SPINK5: variants seen among roughly 807,000 people sequenced by gnomAD.
SPINK5 encodes the protein serine protease inhibitor Kazal-type 5.
SPINK5 carries 125 observed loss-of-function variants against 151.8 expected under a neutral mutation model. The observed-to-expected ratio is 0.82, with a 90% CI of 0.71 to 0.96. The LOEUF (loss-of-function observed/expected upper bound fraction) is 0.96, where lower values mean the gene tolerates loss of function less well. SPINK5 is among the 40% of genes least tolerant of loss of function. The pLI, the probability that SPINK5 is intolerant of heterozygous loss-of-function variation, is 0.00. For missense variants in SPINK5, 1,194 were observed against 1,291.9 expected, an observed-to-expected ratio of 0.92 and a Z score of 1.16; for synonymous variants, 374 against 395.3, an observed-to-expected ratio of 0.95 and a Z score of 0.64.
In SPINK5 at chr5:148,095,852, G is replaced by A; in HGVS notation, c.829G>A (p.Asp277Asn). 6.2e-7 allele frequency: 1 copy of A among 1,612,392 alleles called. No homozygotes were observed. The highest frequency in any genetic ancestry group is 1.1e-5 in the South Asian group (1 of 91,058). ...QRFSEENSKTDQNLGKAEEKT... is the reference protein window; with the variant it reads ...QRFSEENSKTNQNLGKAEEKT... ...TTTTTCAGAGGAAAACAGTAAAACA[G>A]ATCAAAATTTGGGAAAAGCTGAAGA... The change falls in exon 10 of 33, where the codon GAT (aspartate) becomes AAT (asparagine). Residue 277 changes from aspartate (D) to asparagine (N), a missense_variant. Coordinates refer to ENST00000256084, the MANE Select transcript of SPINK5 (RefSeq NM_006846.4).
chr5:148,101,754 T>C (rs749428329), intron 14 of SPINK5, 27 bp from the exon 15 acceptor site: 1 of 1,613,578 alleles, frequency 6.2e-7, no homozygotes, highest in South Asian at 1.1e-5. Context: ...TGTTCAACAC[T>C]TTCAACTTCC....
At chr5:148,120,197 A>G (rs554957829) in intron 25 of SPINK5, 61 bp downstream of exon 25, 1 of 1,613,186 alleles carries the variant, frequency 6.2e-7, no homozygotes, top group Admixed American at 1.7e-5. Flanking sequence ...ATCATTTCTT[A>G]CCAGTTTGGG....
Position 148,070,330 on chromosome 5 carries a change from G to A in SPINK5, c.89G>A (p.Cys30Tyr), listed in dbSNP as rs753511595. The change falls in exon 3 of 33, where the codon TGC becomes TAC. Residue 30 changes from cysteine (C) to tyrosine (Y), a missense_variant. By Grantham distance (194) the Cys-to-Tyr change is radical. Coordinates refer to ENST00000256084, the MANE Select transcript of SPINK5 (RefSeq NM_006846.4). ...TTTTTGGCATTATCTTAGGAAATGT[G>A]CCATGAATTTCAGGCATTTATGAAA... ...AASKNEDQEMCHEFQAFMKNG... is the reference protein window; with the variant it reads ...AASKNEDQEMYHEFQAFMKNG... 6.2e-7 allele frequency: 1 copy of A among 1,612,196 alleles called. No individual in the cohort carries two copies. The highest frequency in any genetic ancestry group is 1.1e-5 in the South Asian group (1 of 91,040).
At chr5:148,095,136 T>C (rs1391056673) in intron 9 of SPINK5, among the ~76,000 whole-genome samples, 1 of 152,014 alleles carries the variant, frequency 6.6e-6, no homozygotes, top group African/African-American at 2.4e-5. Flanking sequence ...CAAGAACTCC[T>C]AAAGTCCTTC....
chr5:148,109,233 T>C (rs1753858358), intron 18 of SPINK5, among the ~76,000 whole-genome samples: 1 of 152,118 alleles, frequency 6.6e-6, no homozygotes, highest in East Asian at 1.9e-4. Context: ...TAATTATCTG[T>C]GAGATTTTGA....
intron 4 of SPINK5, among the ~76,000 whole-genome samples, chr5:148,077,933 T>C (rs1056864452): frequency 6.6e-6 from 1 of 150,596 alleles, no homozygotes; most frequent in African/African-American, 2.4e-5. Flanking sequence ...TGAAAACAAA[T>C]AGAAAAGTAG....
intron 4 of SPINK5, among the ~76,000 whole-genome samples, chr5:148,084,651 T>G (rs962959742): frequency 1.3e-5 from 2 of 151,914 alleles, no homozygotes; most frequent in Non-Finnish European, 2.9e-5. Context: ...GCTTCTGTAG[T>G]ATCTTCAGGA....
chr5:148,103,041 G>A (rs536292617), intron 15 of SPINK5, among the ~76,000 whole-genome samples: 6 of 151,988 alleles, frequency 3.9e-5, no homozygotes, highest in Non-Finnish European at 8.8e-5. Context: ...TCTTAGAAAG[G>A]ACTTAATTTA....
intron 4 of SPINK5, among the ~76,000 whole-genome samples, chr5:148,084,646 T>C (rs1023853430): frequency 7.2e-5 from 11 of 151,942 alleles, no homozygotes; most frequent in Non-Finnish European, 1.5e-4. Flanking sequence ...CCTATGCTTC[T>C]GTAGTATCTT....
intron 22 of SPINK5, 103 bp downstream of exon 22, chr5:148,116,569 T>C: frequency 8.6e-7 from 1 of 1,157,098 alleles, no homozygotes; most frequent in Middle Eastern, 2.0e-4. Context: ...TGCTAAGTCC[T>C]TGAGAGAACA....
intron 21 of SPINK5, among the ~76,000 whole-genome samples, chr5:148,115,007 G>A (rs1258772336): frequency 6.6e-6 from 1 of 152,188 alleles, no homozygotes; most frequent in Non-Finnish European, 1.5e-5. Flanking sequence ...AAAGGTGAAT[G>A]AAATAGATAA....
chr5:148,129,154 G>C (rs144252933), intron 30 of SPINK5, among the ~76,000 whole-genome samples: 3 of 152,304 alleles, frequency 2.0e-5, no homozygotes, highest in East Asian at 1.9e-4. Flanking sequence ...TAGTGTTGTT[G>C]AAATAGAGCT....
chr5:148,124,645 A>G (rs1286357538), intron 27 of SPINK5, 120 bp from the exon 28 acceptor site: 2 of 630,594 alleles, frequency 3.2e-6, no homozygotes, highest in African/African-American at 3.8e-5. Flanking sequence ...ATTTTTTTTT[A>G]GGTATAAGAA....
intron 15 of SPINK5, 77 bp from the exon 16 acceptor site, chr5:148,104,875 G>C: frequency 7.1e-6 from 10 of 1,408,702 alleles, no homozygotes; most frequent in Non-Finnish European, 9.7e-6. Context: ...CAGCCTGGGT[G>C]ACAGAGAGAG....
At chr5:148,110,156 T>C (rs1053556465) in intron 18 of SPINK5, among the ~76,000 whole-genome samples, 100 of 152,306 alleles carry the variant, frequency 6.6e-4, no homozygotes, top group African/African-American at 2.4e-3. Context: ...GATAAGGACA[T>C]TATTATTACG....
At chr5:148,110,711 C>T (rs1306366103) in intron 18 of SPINK5, among the ~76,000 whole-genome samples, 1 of 151,932 alleles carries the variant, frequency 6.6e-6, no homozygotes, top group Non-Finnish European at 1.5e-5. Flanking sequence ...GGGAGGGGAA[C>T]ATCACACACC....
chr5:148,089,408 G>C lies in SPINK5; in HGVS notation c.475-86G>C, dbSNP rs4529181. On this transcript the variant is annotated intron_variant, in intron 6 of 32. Coordinates refer to ENST00000256084, the MANE Select transcript of SPINK5 (RefSeq NM_006846.4). ...CTAAGTGGCCCATAGCAATGTCAGA[G>C]GGACTGAGTTCAATAAAATTTCTGA... 0.62 allele frequency: 988,179 copies of C among 1,590,034 alleles called. 311,256 individuals are homozygous for C. The highest frequency in any genetic ancestry group is 0.78 in the South Asian group (70,316 of 90,028).
intron 18 of SPINK5, 35 bp downstream of exon 18, chr5:148,108,872 T>C: frequency 1.2e-6 from 2 of 1,609,372 alleles, no homozygotes; most frequent in South Asian, 2.2e-5. Flanking sequence ...CACATAAATA[T>C]TCAACGATCA....
intron 8 of SPINK5, among the ~76,000 whole-genome samples, chr5:148,092,670 T>C (rs898778294): frequency 6.6e-5 from 10 of 151,886 alleles, no homozygotes; most frequent in African/African-American, 2.4e-4. Context: ...TCACAACTTA[T>C]AAACTGAAAT....
Sources: allele counts gnomAD v4.1 joint callset (sites outside exome capture counted in the v4.1 genomes callset), GRCh38; gene constraint gnomAD v4.1.1; transcripts MANE v1.5; gene names NCBI Gene and HGNC (gene_info 2026-07-23, HGNC 2026-07-21).